The following CCDC61 variants were observed in gnomAD, a reference collection of about 807,000 sequenced individuals.
CCDC61 encodes coiled-coil domain containing 61.
Under a neutral mutation model 63.0 loss-of-function variants are expected in CCDC61, and 55 were observed. The observed-to-expected ratio is 0.87, with a 90% CI of 0.70 to 1.09. The LOEUF (loss-of-function observed/expected upper bound fraction) is 1.09. Ranked by LOEUF, CCDC61 falls within the 50% of genes least tolerant of loss-of-function variation. The probability of loss-of-function intolerance (pLI) is 0.00; values close to 1 mark genes in which losing one functional copy is unlikely to be tolerated. For synonymous variants in CCDC61, 270 were observed against 317.0 expected (o/e 0.85, Z 1.58); for missense variants, 651 against 731.4 (o/e 0.89, Z 1.27).
At chr19:46,003,532 A>C in intron 3 of CCDC61, 31 bp downstream of exon 3, 67 of 792,864 alleles carry the variant, frequency 8.5e-5, no homozygotes, top group Middle Eastern at 2.8e-4. Context: ...TTGGGGTGGG[A>C]GGGGGGTTCT....
chr19:45,999,206 C>A (rs1968545982), intron 1 of CCDC61, among the ~76,000 whole-genome samples: 1 of 152,102 alleles, frequency 6.6e-6, no homozygotes, highest in Admixed American at 6.5e-5. Context: ...CCAGGGGGAA[C>A]TGGGGTGCCG....
chr19:46,011,864 G>A (rs947133591), intron 5 of CCDC61, among the ~76,000 whole-genome samples: 4 of 152,046 alleles, frequency 2.6e-5, no homozygotes, highest in African/African-American at 4.8e-5. Flanking sequence ...GTGCAATGGC[G>A]TGATCTCTGC....
intron 3 of CCDC61, among the ~76,000 whole-genome samples, chr19:46,004,950 TGC>T: frequency 2.0e-5 from 3 of 149,594 alleles, no homozygotes; most frequent in African/African-American, 7.4e-5. Flanking sequence ...GTGATTCTCA[TGC>T]CTCAGCCTCC....
chr19:46,000,036 G>A (rs1408354813), intron 1 of CCDC61: 1 of 985,120 alleles, frequency 1.0e-6, no homozygotes, highest in Non-Finnish European at 1.2e-6. Context: ...TGGTCATTCC[G>A]AAGCAAGGAT....
chr19:46,018,059 C>G lies in CCDC61; in HGVS notation c.1369-19C>G, dbSNP rs1180365227. 26 of 1,600,182 alleles carry G rather than the reference C, an allele frequency of 1.6e-5. No homozygotes were observed. The highest frequency in any genetic ancestry group is 2.0e-5 in the Non-Finnish European group (24 of 1,173,576). ...GAGGGACGGTGGGTGACCCCCTTTC[C>G]TACCTTCCCCATCACCAGAAGTCTC... On this transcript the variant is annotated intron_variant, in intron 12 of 13. Coordinates refer to ENST00000595358, the MANE Select transcript of CCDC61 (RefSeq NM_001267723.2). This position sits in a 1 kb window ranked among gnomAD's most constrained non-coding sequence, Gnocchi z 4.2.
At position 46,017,258 on chromosome 19, in the gene CCDC61, G is replaced by A. The variant is rs765485023; in HGVS notation, c.1322G>A (p.Arg441His). 7.7e-6 allele frequency: 12 copies of A among 1,564,396 alleles called. No individual in the cohort carries two copies. In the East Asian group the frequency reaches 1.2e-4, roughly 15 times the overall value. ...SESLSRGGHR[R>H]RGKPPSPTPW... ...CTCCTTTTTCTCAGGGGTCACCGCC[G>A]CCGTGGGAAGCCTCCCAGCCCAACG... The change falls in exon 12 of 14, where the codon CGC (arginine) becomes CAC (histidine). Residue 441 changes from arginine (R) to histidine (H), a missense_variant. Coordinates refer to ENST00000595358, the MANE Select transcript of CCDC61 (RefSeq NM_001267723.2).
chr19:46,017,703 C>G (rs1233586232), intron 12 of CCDC61, among the ~76,000 whole-genome samples: 1 of 152,230 alleles, frequency 6.6e-6, no homozygotes, highest in East Asian at 1.9e-4. Flanking sequence ...GGGAACAGCA[C>G]GTTTTGAGAG....
Position 46,018,096 on chromosome 19 carries a change from C to A in CCDC61, c.1387C>A (p.Arg463Ser), listed in dbSNP as rs762229559. 2 of 1,610,906 alleles carry A rather than the reference C, an allele frequency of 1.2e-6. No homozygotes were observed. Among genetic ancestry groups the A allele is most frequent in the Non-Finnish European group, 1.7e-6 (2 of 1,178,690 alleles). Reference sequence around the variant, plus strand: ...TCACCAGAAGTCTCCCCCCGTGGAACGCAGCCACCATCAGAAATCTCTGGC... The same window carrying A: ...TCACCAGAAGTCTCCCCCCGTGGAAAGCAGCCACCATCAGAAATCTCTGGC... ...GSNMKSPPVE[R>S]SHHQKSLANS... is the part of the protein sequence containing the mutation. Residue 463 changes from arginine to serine, a missense_variant, in exon 13 of 14, where the codon CGC (arginine) becomes AGC (serine). Transcript: ENST00000595358. The surrounding 1 kb of genome is among the most constrained non-coding windows in gnomAD (Gnocchi z 4.2).
At chr19:46,004,690 C>T (rs1968665488) in intron 3 of CCDC61, among the ~76,000 whole-genome samples, 1 of 152,012 alleles carries the variant, frequency 6.6e-6, no homozygotes, top group African/African-American at 2.4e-5. Context: ...GTCTTGAATA[C>T]CTGATCTCAA....
intron 11 of CCDC61, 80 bp downstream of exon 11, chr19:46,017,149 G>A: frequency 6.5e-7 from 1 of 1,543,026 alleles, no homozygotes; most frequent in Non-Finnish European, 8.8e-7. Flanking sequence ...AGGGAAATTG[G>A]GTGATGGAGC....
At chr19:46,012,131 G>A (rs912044054) in intron 5 of CCDC61, among the ~76,000 whole-genome samples, 3 of 152,078 alleles carry the variant, frequency 2.0e-5, no homozygotes, top group African/African-American at 7.2e-5. Flanking sequence ...TAAAAATTTT[G>A]TGAGCAGTGA....
intron 1 of CCDC61, among the ~76,000 whole-genome samples, chr19:45,999,153 A>G (rs1380273330): frequency 6.6e-6 from 1 of 152,172 alleles, no homozygotes; most frequent in Non-Finnish European, 1.5e-5. Context: ...TATCTAAGGC[A>G]AAAGTTTGCC....
intron 3 of CCDC61, among the ~76,000 whole-genome samples, chr19:46,006,110 A>G (rs539185890): frequency 6.6e-6 from 1 of 152,270 alleles, no homozygotes; most frequent in Admixed American, 6.5e-5. Flanking sequence ...GGGGAGATAC[A>G]ATAACCTCCA....
intron 5 of CCDC61, among the ~76,000 whole-genome samples, chr19:46,009,873 GTGTTTCTAGGTT>G (rs1395655237): frequency 6.8e-6 from 1 of 147,482 alleles, no homozygotes; most frequent in Non-Finnish European, 1.5e-5. Flanking sequence ...CTGTGTGTGT[GTGTTTCTAGGTT>G]TGTGTTTCTG....
chr19:45,998,968 G>C (rs1279680517), intron 1 of CCDC61, among the ~76,000 whole-genome samples: 1 of 152,120 alleles, frequency 6.6e-6, no homozygotes, highest in Non-Finnish European at 1.5e-5. Flanking sequence ...AACAGGAGGT[G>C]GTCAGGGAAG....
Position 46,015,907 on chromosome 19 carries a change from T to G in CCDC61, c.846-147T>G. 1.7e-6 allele frequency: 1 copy of G among 602,610 alleles called. No homozygotes were observed. Among genetic ancestry groups the G allele is most frequent in the Non-Finnish European group, 2.4e-6 (1 of 415,380 alleles). The allele number at this position is 602,610 out of a possible 1,614,324, so 37.3% of individuals were successfully genotyped here. ...ATTGGGTGAGGTCTGGGGGGGAAGA[T>G]ATCGAGAGGGTCATGGGCCCAGGAG... On this transcript the variant is annotated intron_variant, in intron 7 of 13. Transcript: ENST00000595358. This position sits in a 1 kb window ranked among gnomAD's most constrained non-coding sequence, Gnocchi z 5.3.
rs1222251875 is a variant in CCDC61 at position 46,016,400 on chromosome 19, G to T, written c.1091+7G>T. 1.2e-6 allele frequency: 2 copies of T among 1,613,268 alleles called. No individual in the cohort carries two copies. The highest frequency in any genetic ancestry group is 1.7e-5 in the Admixed American group (1 of 59,990). On this transcript the variant is annotated splice_region_variant and intron_variant, in intron 9 of 13. Coordinates refer to ENST00000595358, the MANE Select transcript of CCDC61 (RefSeq NM_001267723.2). This position sits in a 1 kb window ranked among gnomAD's most constrained non-coding sequence, Gnocchi z 7.2. ...AGAGAGAGATCCAGATGAAGTCAGT[G>T]CCCCTTCCTCCCTCACCTGCCCCTG...
intron 1 of CCDC61, among the ~76,000 whole-genome samples, chr19:45,998,365 C>G (rs535993679): frequency 1.1e-3 from 174 of 152,322 alleles, no homozygotes; most frequent in Non-Finnish European, 1.9e-3. Context: ...TTTTCATAAG[C>G]ACTTGTGGTA....
In CCDC61 at chr19:46,017,083, T is replaced by C. The variant is rs375059660; in HGVS notation, c.1310+14T>C. On this transcript the variant is annotated intron_variant, in intron 11 of 13. Coordinates refer to ENST00000595358, the MANE Select transcript of CCDC61 (RefSeq NM_001267723.2). ...GCTCTCCAGAGGGTAAAACTTGAAC[T>C]TGGGAAAAGGATCGCCTCCAAAGGG... 3.7e-6 allele frequency: 6 copies of C among 1,609,918 alleles called. No homozygotes were observed. The Admixed American group carries it at 5.0e-5, about 14-fold the overall frequency.
Sources: gnomAD v4.1 joint callset for allele counts (sites outside exome capture counted in the v4.1 genomes callset) on GRCh38, gnomAD v4.1.1 for gene constraint, Gnocchi (gnomAD v3.1) non-coding constraint, MANE v1.5 for transcripts, NCBI Gene and HGNC (gene_info 2026-07-23, HGNC 2026-07-21) for gene names.